KAZN: variants seen among roughly 807,000 people sequenced by gnomAD.
KAZN encodes kazrin.
Under a neutral mutation model 87.4 loss-of-function variants are expected in KAZN, and 40 were observed. The ratio of observed to expected loss-of-function variants is 0.46; its 90% CI spans 0.36 to 0.60. KAZN has a LOEUF of 0.60. KAZN is among the 20% of genes least tolerant of loss of function. The pLI is 0.00. For synonymous variants in KAZN, 466 were observed against 458.3 expected, an observed-to-expected ratio of 1.02 and a Z score of -0.22; for missense variants, 898 against 1,073.9, an observed-to-expected ratio of 0.84 and a Z score of 2.29.
At chr1:14,133,118 C>T (rs1367004806) in intron 1 of KAZN, among the ~76,000 whole-genome samples, 1 of 152,024 alleles carries the variant, frequency 6.6e-6, no homozygotes, top group East Asian at 1.9e-4. Context: ...CCTGTAATCC[C>T]AGCACTTTGG....
intron 1 of KAZN, among the ~76,000 whole-genome samples, chr1:14,032,444 CCA>C (rs1393644250): frequency 1.2e-4 from 19 of 152,314 alleles, no homozygotes; most frequent in East Asian, 9.7e-4. Context: ...GTGCCCTTAA[CCA>C]CTGTACCCTG....
chr1:14,223,733 T>C (rs887979206), intron 2 of KAZN, among the ~76,000 whole-genome samples: 1 of 152,224 alleles, frequency 6.6e-6, no homozygotes, highest in African/African-American at 2.4e-5. Flanking sequence ...ACGATGAAAC[T>C]GATACGAAAG....
chr1:14,384,634 A>G (rs1255719627), intron 2 of KAZN, among the ~76,000 whole-genome samples: 1 of 152,092 alleles, frequency 6.6e-6, no homozygotes, highest in Non-Finnish European at 1.5e-5. Context: ...ATTTAGGTAT[A>G]TTGAACCAGC....
At chr1:14,493,567 A>C (rs1571787874) in intron 2 of KAZN, among the ~76,000 whole-genome samples, 1 of 152,192 alleles carries the variant, frequency 6.6e-6, no homozygotes, top group East Asian at 1.9e-4. Context: ...TCATGCTTGT[A>C]TGATTTTTGT....
At chr1:14,619,302 A>G (rs1441257342) in intron 1 of KAZN, among the ~76,000 whole-genome samples, 3 of 151,958 alleles carry the variant, frequency 2.0e-5, no homozygotes, top group Admixed American at 6.6e-5. Context: ...GGCTCAAACA[A>G]TCCTCCCACC....
At chr1:14,805,097 A>G (rs947921691) in intron 1 of KAZN, among the ~76,000 whole-genome samples, 14 of 152,244 alleles carry the variant, frequency 9.2e-5, no homozygotes, top group Admixed American at 1.3e-4. Context: ...GCAAAGGTTG[A>G]AGAGCGTACT....
At chr1:14,092,342 C>T (rs1420911097) in intron 1 of KAZN, among the ~76,000 whole-genome samples, 2 of 151,070 alleles carry the variant, frequency 1.3e-5, no homozygotes, top group East Asian at 1.9e-4. Flanking sequence ...CTGTCCGCCT[C>T]GGCCTCCCAA....
intron 2 of KAZN, among the ~76,000 whole-genome samples, chr1:14,431,182 G>C (rs758235862): frequency 6.6e-6 from 1 of 152,182 alleles, no homozygotes; most frequent in Admixed American, 6.5e-5. Flanking sequence ...TATTATGAGT[G>C]GGGTAAATAG....
At chr1:14,034,110 C>T (rs112974725) in intron 1 of KAZN, among the ~76,000 whole-genome samples, 5 of 152,276 alleles carry the variant, frequency 3.3e-5, no homozygotes, top group Non-Finnish European at 5.9e-5. Context: ...TGTAAATCTC[C>T]GCTATGGGTA....
rs562049515 is a variant in KAZN at position 14,372,514 on chromosome 1, G to A, written c.249+191922G>A. On this transcript the variant is annotated intron_variant, in intron 2 of 16. Transcript: ENST00000636203. ...CATCCCTGGCTTCTACTCATTGGAT[G>A]CTAGTAACACCAACCCAGGTGCAAA... Among the ~76,000 whole-genome samples the A allele has an allele frequency of 2.6e-5, 4 of 152,320 alleles. No homozygotes were observed. The South Asian group carries it at 6.2e-4, about 24-fold the overall frequency.
chr1:14,240,748 C>A (rs1361336), intron 2 of KAZN, among the ~76,000 whole-genome samples: 1 of 152,092 alleles, frequency 6.6e-6, no homozygotes, highest in Non-Finnish European at 1.5e-5. Flanking sequence ...ATAGCTGCAC[C>A]GGGTCACTAT....
At chr1:14,277,737 A>G (rs980580455) in intron 2 of KAZN, among the ~76,000 whole-genome samples, 1 of 151,512 alleles carries the variant, frequency 6.6e-6, no homozygotes, top group Non-Finnish European at 1.5e-5. Context: ...TTTGATATTT[A>G]TTAACTCATA....
At chr1:14,181,907 T>G (rs1646206480) in intron 2 of KAZN, among the ~76,000 whole-genome samples, 1 of 152,184 alleles carries the variant, frequency 6.6e-6, no homozygotes, top group Non-Finnish European at 1.5e-5. Context: ...AAAGGCATTG[T>G]GTGTAAACTC....
chr1:14,013,175 T>G (rs9727027), intron 1 of KAZN, among the ~76,000 whole-genome samples: 4,045 of 152,302 alleles, frequency 0.027, 165 homozygotes, highest in African/African-American at 0.086. Context: ...TTCAGACTCC[T>G]CATTAGCCTG....
intron 1 of KAZN, among the ~76,000 whole-genome samples, chr1:14,087,945 A>G (rs1489628117): frequency 1.3e-5 from 2 of 148,888 alleles, no homozygotes; most frequent in African/African-American, 2.5e-5. Flanking sequence ...TTTTGGTATT[A>G]GGGTAATGGT....
intron 2 of KAZN, among the ~76,000 whole-genome samples, chr1:14,370,414 T>C (rs1660383967): frequency 6.6e-6 from 1 of 152,206 alleles, no homozygotes; most frequent in South Asian, 2.1e-4. Flanking sequence ...TTCAGGGATC[T>C]GAGCTGAGGC....
chr1:13,953,747 T>C (rs908236352), intron 1 of KAZN, among the ~76,000 whole-genome samples: 2 of 152,216 alleles, frequency 1.3e-5, no homozygotes, highest in African/African-American at 4.8e-5. Context: ...CTTTAGCTTG[T>C]TTTTTACATT....
At chr1:15,085,746 A>AAGAT (rs1640222093) in intron 8 of KAZN, among the ~76,000 whole-genome samples, 1 of 152,236 alleles carries the variant, frequency 6.6e-6, no homozygotes, top group Non-Finnish European at 1.5e-5. Flanking sequence ...ACTAGGTCAC[A>AAGAT]AGATAGGAAA....
chr1:14,318,964 TGC>T, intron 2 of KAZN, among the ~76,000 whole-genome samples: 1 of 151,670 alleles, frequency 6.6e-6, no homozygotes, highest in Non-Finnish European at 1.5e-5. Flanking sequence ...CTTTGCTAAT[TGC>T]TTTATCTCTG....
Sources: allele counts gnomAD v4.1 joint callset (sites outside exome capture counted in the v4.1 genomes callset), GRCh38; gene constraint gnomAD v4.1.1; transcripts MANE v1.5; gene names NCBI Gene and HGNC (gene_info 2026-07-23, HGNC 2026-07-21).